NTRK2: variants seen among roughly 807,000 people sequenced by gnomAD.
The protein encoded by NTRK2 is BDNF/NT-3 growth factors receptor.
Under a neutral mutation model 94.5 loss-of-function variants are expected in NTRK2, and 13 were observed. The ratio of observed to expected loss-of-function variants is 0.14; its 90% confidence interval spans 0.09 to 0.22. NTRK2 has a LOEUF of 0.22. Among genes scored for constraint, NTRK2 ranks in the 10% least tolerant of loss-of-function variants. NTRK2 has a pLI of 1.00. For synonymous variants in NTRK2, 372 were observed against 407.4 expected, an observed-to-expected ratio of 0.91 and a Z score of 1.05; for missense variants, 639 against 1,071.2, an observed-to-expected ratio of 0.60 and a Z score of 5.63.
At chr9:84,734,825 T>A (rs1373769737) in intron 9 of NTRK2, among the ~76,000 whole-genome samples, 7 of 152,190 alleles carry the variant, frequency 4.6e-5, no homozygotes, top group Non-Finnish European at 1.0e-4. Context: ...CCTGCGTATG[T>A]CTTTATTAGC....
At chr9:84,967,362 CTG>C (rs1363911692) in intron 17 of NTRK2, among the ~76,000 whole-genome samples, 5 of 152,224 alleles carry the variant, frequency 3.3e-5, no homozygotes, top group Admixed American at 6.5e-5. Context: ...GGTTGTGTAT[CTG>C]TGTGGGTGAT....
chr9:85,003,687 C>T (rs967016687), intron 17 of NTRK2, among the ~76,000 whole-genome samples: 1 of 151,882 alleles, frequency 6.6e-6, no homozygotes, highest in Non-Finnish European at 1.5e-5. Context: ...AAAGAATCCT[C>T]CAGTTGCTGT....
chr9:84,758,046 A>G (rs770934207), intron 12 of NTRK2, among the ~76,000 whole-genome samples: 3 of 152,086 alleles, frequency 2.0e-5, no homozygotes, highest in Admixed American at 1.3e-4. Flanking sequence ...TTGATTAATA[A>G]TGAATGTAAA....
chr9:84,672,362 G>A (rs1231519511), intron 2 of NTRK2, among the ~76,000 whole-genome samples: 1 of 152,208 alleles, frequency 6.6e-6, no homozygotes, highest in Non-Finnish European at 1.5e-5. Flanking sequence ...TTGGCAAGGA[G>A]AGCAGGAGCC....
At chr9:84,789,486 C>T (rs1160181755) in intron 12 of NTRK2, among the ~76,000 whole-genome samples, 2 of 152,110 alleles carry the variant, frequency 1.3e-5, no homozygotes, top group Non-Finnish European at 2.9e-5. Context: ...CACCGAGGCT[C>T]AAGGTTTGGT....
intron 12 of NTRK2, among the ~76,000 whole-genome samples, chr9:84,849,044 G>A (rs532616589): frequency 6.6e-6 from 1 of 152,170 alleles, no homozygotes; most frequent in Non-Finnish European, 1.5e-5. Context: ...ACATATTGGA[G>A]TCTTTTTATA....
In NTRK2 at chr9:85,021,718, T is replaced by C. The variant is rs1427941887; in HGVS notation, c.*281T>C. 7 of 474,848 alleles carry C rather than the reference T, an allele frequency of 1.5e-5. No individual in the cohort carries two copies. Among genetic ancestry groups the C allele is most frequent in the Non-Finnish European group, 1.9e-5 (5 of 261,414 alleles). The allele number at this position is 474,848 out of a possible 1,614,324, so 29.4% of individuals were successfully genotyped here. A position where few individuals can be genotyped will look rare whatever the true frequency, so the allele number is the denominator to read the frequency against. On this transcript the variant is annotated 3_prime_UTR_variant, in exon 19 of 19. Coordinates refer to ENST00000277120, the MANE Select transcript of NTRK2 (RefSeq NM_006180.6). Reference sequence around the variant, plus strand: ...TTTCTTTTTCTTTTTTTTTTCGTCTTCCCTGCTTCACGATTCTTACCCTTT... The same window carrying C: ...TTTCTTTTTCTTTTTTTTTTCGTCTCCCCTGCTTCACGATTCTTACCCTTT...
chr9:85,007,876 G>A (rs1831141262), intron 17 of NTRK2, among the ~76,000 whole-genome samples: 1 of 152,158 alleles, frequency 6.6e-6, no homozygotes, highest in African/African-American at 2.4e-5. Flanking sequence ...TGGCAGGCCT[G>A]CAGTAAATGG....
At position 84,729,111 on chromosome 9, in the gene NTRK2, C is replaced by T. The variant is rs544593106; in HGVS notation, c.1159+1152C>T. Among the ~76,000 whole-genome samples, 3 of 152,318 alleles carry T rather than the reference C, an allele frequency of 2.0e-5. No individual in the cohort carries two copies. In the South Asian group the frequency reaches 6.2e-4, roughly 32 times the overall value. ...GTACCTGTGTGGCTCCCAGGGCCCC[C>T]CCACCAGCAAAGGTGATCCATGCAA... On this transcript the variant is annotated intron_variant, in intron 9 of 18. Coordinates refer to ENST00000277120, the MANE Select transcript of NTRK2 (RefSeq NM_006180.6).
intron 14 of NTRK2, among the ~76,000 whole-genome samples, chr9:84,925,201 C>CTTTTTTTTTTTTT (rs562875058): frequency 2.1e-5 from 3 of 141,292 alleles, no homozygotes; most frequent in African/African-American, 7.9e-5. Flanking sequence ...TTCTCTTCTT[C>CTTTTTTTTTTTTT]TTTTTTTTTT....
intron 17 of NTRK2, among the ~76,000 whole-genome samples, chr9:84,957,535 G>A (rs1268049816): frequency 3.3e-5 from 5 of 152,180 alleles, no homozygotes; most frequent in Non-Finnish European, 5.9e-5. Flanking sequence ...TAGGGAAAAT[G>A]CAAAGAAAAC....
intron 12 of NTRK2, among the ~76,000 whole-genome samples, chr9:84,783,190 T>C (rs1434648347): frequency 6.6e-6 from 1 of 152,350 alleles, no homozygotes; most frequent in South Asian, 2.1e-4. Flanking sequence ...CTGTGAAGGG[T>C]GACCTGTGAA....
At chr9:84,891,634 A>C (rs1339419532) in intron 14 of NTRK2, among the ~76,000 whole-genome samples, 1 of 152,202 alleles carries the variant, frequency 6.6e-6, no homozygotes, top group East Asian at 1.9e-4. Context: ...GGGACCCAGT[A>C]GGGCGGATCT....
intron 14 of NTRK2, among the ~76,000 whole-genome samples, chr9:84,906,825 A>G (rs1037029263): frequency 1.3e-5 from 2 of 152,210 alleles, no homozygotes; most frequent in African/African-American, 4.8e-5. Context: ...GTCGATGGAC[A>G]GCTTTGCTTC....
intron 12 of NTRK2, among the ~76,000 whole-genome samples, chr9:84,841,488 C>T (rs1168930837): frequency 6.6e-6 from 1 of 152,192 alleles, no homozygotes; most frequent in Non-Finnish European, 1.5e-5. Flanking sequence ...TCTAATCTCT[C>T]CTAGAATATC....
At chr9:84,905,373 G>A (rs1052590322) in intron 14 of NTRK2, among the ~76,000 whole-genome samples, 17 of 152,008 alleles carry the variant, frequency 1.1e-4, no homozygotes, top group African/African-American at 3.9e-4. Flanking sequence ...TAAAGTGCTA[G>A]GCATAACTAA....
At chr9:84,707,598 T>A (rs1321251800) in intron 4 of NTRK2, among the ~76,000 whole-genome samples, 1 of 152,060 alleles carries the variant, frequency 6.6e-6, no homozygotes, top group Non-Finnish European at 1.5e-5. Context: ...AGCTTTTGGG[T>A]GAAAAAGACA....
intron 12 of NTRK2, among the ~76,000 whole-genome samples, chr9:84,839,603 G>C (rs17329543): frequency 6.6e-6 from 1 of 152,164 alleles, no homozygotes; most frequent in Non-Finnish European, 1.5e-5. Context: ...TATGGAGCGC[G>C]TACAGGCCAT....
intron 14 of NTRK2, among the ~76,000 whole-genome samples, chr9:84,928,872 C>G (rs1214082485): frequency 6.6e-6 from 1 of 152,104 alleles, no homozygotes; most frequent in Non-Finnish European, 1.5e-5. Context: ...CTCCTGAAAA[C>G]TTTAAGATCT....
Sources: allele counts gnomAD v4.1 joint callset (sites outside exome capture counted in the v4.1 genomes callset), GRCh38; gene constraint gnomAD v4.1.1; transcripts MANE v1.5; gene names NCBI Gene and HGNC (gene_info 2026-07-23, HGNC 2026-07-21).